The following VPS8 variants were observed in gnomAD, a reference collection of about 807,000 sequenced individuals.
VPS8 encodes the protein VPS8 subunit of CORVET complex.
A neutral mutation model predicts 216.4 loss-of-function variants in VPS8; 129 were observed. The observed-to-expected ratio is 0.60, with a 90% confidence interval of 0.52 to 0.69. VPS8 has a LOEUF of 0.69. Ranked by LOEUF, VPS8 falls within the 30% of genes least tolerant of loss-of-function variation. The probability of loss-of-function intolerance (pLI) is 0.00; values close to 1 mark genes in which losing one functional copy is unlikely to be tolerated. For missense variants in VPS8, 1,531 were observed against 1,683.5 expected, an observed-to-expected ratio of 0.91 and a Z score of 1.59; for synonymous variants, 571 against 565.4, an observed-to-expected ratio of 1.01 and a Z score of -0.14.
At chr3:185,009,445 CAG>C (rs529629632) in intron 45 of VPS8, among the ~76,000 whole-genome samples, 2 of 152,186 alleles carry the variant, frequency 1.3e-5, no homozygotes, top group South Asian at 2.1e-4. Context: ...TGTGAGGAGA[CAG>C]ATACTTTTAT....
intron 36 of VPS8, among the ~76,000 whole-genome samples, chr3:184,953,125 G>A (rs1163773862): frequency 1.3e-5 from 2 of 152,162 alleles, no homozygotes; most frequent in African/African-American, 2.4e-5. Flanking sequence ...CTTACCTGGT[G>A]CAGTAAAGCC....
At chr3:184,923,171 G>T (rs1738953186) in intron 29 of VPS8, among the ~76,000 whole-genome samples, 1 of 57,156 alleles carries the variant, frequency 1.7e-5, no homozygotes. Context: ...GAGGGAACTT[G>T]GAACTTTTTA....
chr3:185,038,967 G>C (rs1759270662), intron 46 of VPS8, among the ~76,000 whole-genome samples: 4 of 152,188 alleles, frequency 2.6e-5, no homozygotes, highest in Admixed American at 2.0e-4. Context: ...ATTACCTCTT[G>C]ACTGCGCTCA....
At chr3:184,871,299 A>C (rs1728304912) in intron 21 of VPS8, among the ~76,000 whole-genome samples, 1 of 108,900 alleles carries the variant, frequency 9.2e-6, no homozygotes, top group Non-Finnish European at 1.7e-5. Flanking sequence ...GCCAAAGAAC[A>C]ATGTAGACGT....
chr3:184,855,744 C>A lies in VPS8; in HGVS notation c.1069C>A (p.His357Asn), dbSNP rs763912237. The change falls in exon 14 of 48, where the codon CAC becomes AAC. Residue 357 changes from histidine (H) to asparagine (N), a missense_variant. Around this residue, in one of 3 missense-constraint regions of VPS8, gnomAD observed 1,318 missense variants for 1,468.4 expected, o/e 0.90. Coordinates refer to ENST00000625842, the MANE Select transcript of VPS8 (RefSeq NM_001009921.3). ...DPSSVPLLAW[H>N]FVAVQNYVNP... is the part of the protein sequence containing the mutation. ...TTCCAGTGTGCCACTGCTGGCCTGG[C>A]ACTTTGTAGCAGTACAAAATTACGT... 6.2e-7 allele frequency: 1 copy of A among 1,613,632 alleles called. No homozygotes were observed. Among genetic ancestry groups the A allele is most frequent in the South Asian group, 1.1e-5 (1 of 91,006 alleles).
intron 46 of VPS8, among the ~76,000 whole-genome samples, chr3:185,036,108 G>A (rs1017354373): frequency 2.0e-5 from 3 of 152,020 alleles, no homozygotes; most frequent in Admixed American, 6.6e-5. Flanking sequence ...GAAAGAAATC[G>A]GAGATGACAC....
rs1307356842 is a variant in VPS8 at position 184,999,229 on chromosome 3, T to TAGCTGGA, written c.3837-467_3837-466insAGCTGGA. On this transcript the variant is annotated intron_variant, in intron 44 of 47. Transcript: ENST00000625842. ...CCTGCCACCACGTCCAGCTAATTTT[T>TAGCTGGA]TGTATTTTTAGTAGAGACGGGGTTT... Among the ~76,000 whole-genome samples the TAGCTGGA allele has an allele frequency of 1.8e-4, 28 of 152,336 alleles. 1 individual carries two copies. The highest frequency in any genetic ancestry group is 6.7e-4 in the African/African-American group (28 of 41,590).
At chr3:184,832,840 T>A in intron 4 of VPS8, 21 bp downstream of exon 4, 1 of 1,598,398 alleles carries the variant, frequency 6.3e-7, no homozygotes, top group Non-Finnish European at 8.5e-7. Flanking sequence ...ATGTCAATCA[T>A]ACTTGCTTAC....
At chr3:184,858,883 G>A (rs1480981810) in intron 14 of VPS8, among the ~76,000 whole-genome samples, 1 of 151,880 alleles carries the variant, frequency 6.6e-6, no homozygotes, top group Non-Finnish European at 1.5e-5. Flanking sequence ...TTTTCTTCAG[G>A]ATCACACTGA....
At chr3:184,873,335 G>A (rs1033229049) in intron 21 of VPS8, among the ~76,000 whole-genome samples, 3 of 152,114 alleles carry the variant, frequency 2.0e-5, no homozygotes, top group African/African-American at 4.8e-5. Flanking sequence ...AGCACAGGGA[G>A]AAGATGAGTG....
chr3:184,890,803 G>A (rs1396610176), intron 22 of VPS8, among the ~76,000 whole-genome samples: 1 of 151,874 alleles, frequency 6.6e-6, no homozygotes, highest in African/African-American at 2.4e-5. Context: ...CAGGAATTCT[G>A]TTTTTGAAGA....
chr3:185,033,201 G>C (rs2108463592), intron 46 of VPS8, among the ~76,000 whole-genome samples: 1 of 152,266 alleles, frequency 6.6e-6, no homozygotes, highest in South Asian at 2.1e-4. Flanking sequence ...TGTGAGTTCT[G>C]ATAAATGTAT....
At chr3:184,927,931 G>A (rs1315037638) in intron 31 of VPS8, among the ~76,000 whole-genome samples, 2 of 152,152 alleles carry the variant, frequency 1.3e-5, no homozygotes, top group Non-Finnish European at 2.9e-5. Context: ...GTATTCCGTT[G>A]TATGCATATA....
intron 45 of VPS8, among the ~76,000 whole-genome samples, chr3:185,003,197 G>A (rs1415140160): frequency 3.8e-4 from 43 of 114,250 alleles, no homozygotes; most frequent in East Asian, 2.6e-3. Flanking sequence ...GGTGTTTCTC[G>A]CAGAGGGGGA....
intron 17 of VPS8, among the ~76,000 whole-genome samples, chr3:184,867,781 G>A (rs1727640724): frequency 6.6e-6 from 1 of 152,206 alleles, no homozygotes; most frequent in African/African-American, 2.4e-5. Context: ...CGGAGGTGGA[G>A]GTTGCAGTAA....
chr3:184,924,865 A>G lies in VPS8; in HGVS notation c.2458A>G (p.Met820Val), dbSNP rs1222820989. The G allele has an allele frequency of 1.7e-5, 28 of 1,610,434 alleles. No individual in the cohort carries two copies. The highest frequency in any genetic ancestry group is 2.1e-5 in the Non-Finnish European group (25 of 1,179,210). ...AATGGTCTCCTTTGCTCTTCAGGTT[A>G]TGGTGGAGAATTCAGACTTTACCCC... ...QRIVDILLKV[M>V]VENSDFTPSQ... The change falls in exon 30 of 48, where the codon ATG becomes GTG. Residue 820 changes from methionine (M) to valine (V), a missense_variant. By Grantham distance (21) the Met-to-Val change is conservative. Around this residue, in one of 3 missense-constraint regions of VPS8, gnomAD observed 1,318 missense variants for 1,468.4 expected, o/e 0.90. Coordinates refer to ENST00000625842, the MANE Select transcript of VPS8 (RefSeq NM_001009921.3).
At chr3:184,890,382 G>T (rs1732115449) in intron 22 of VPS8, among the ~76,000 whole-genome samples, 2 of 151,980 alleles carry the variant, frequency 1.3e-5, no homozygotes, top group African/African-American at 4.8e-5. Context: ...CTGTTCCCCA[G>T]ATTCCTTTTA....
At chr3:185,048,106 G>A (rs556951589) in intron 46 of VPS8, among the ~76,000 whole-genome samples, 2 of 152,334 alleles carry the variant, frequency 1.3e-5, no homozygotes, top group South Asian at 4.1e-4. Context: ...ACAGAGAAAA[G>A]CGGTATCTTT....
In VPS8 at chr3:185,031,063, GTTTTTTTTTTT is replaced by G. The variant is rs765510619; in HGVS notation, c.4056+6692_4056+6702del. ...AATTTTTGTTGAATTACAGGTTGGCGTTTTTTTTTTTTTTTTTTTTTTTTTTTTAAGGGAAA... is the reference window on the plus strand; with the variant it reads ...AATTTTTGTTGAATTACAGGTTGGCGTTTTTTTTTTTTTTTTTAAGGGAAA... On this transcript the variant is annotated intron_variant, in intron 46 of 47. Coordinates refer to ENST00000625842, the MANE Select transcript of VPS8 (RefSeq NM_001009921.3). 5.9e-4 allele frequency among the ~76,000 whole-genome samples: 38 copies of G among 64,358 alleles called. No individual in the cohort carries two copies. The South Asian group carries it at 8.9e-3, about 15-fold the overall frequency. The allele number at this position is 64,358 out of a possible 152,430, so 42.2% of individuals were successfully genotyped here.
Sources: allele counts gnomAD v4.1 joint callset (sites outside exome capture counted in the v4.1 genomes callset), GRCh38; gene constraint gnomAD v4.1.1; regional missense constraint gnomAD v4.1.1; transcripts MANE v1.5; gene names NCBI Gene and HGNC (gene_info 2026-07-23, HGNC 2026-07-21).